The following TANC1 variants were observed in gnomAD, a reference collection of about 807,000 sequenced individuals.
TANC1 encodes tetratricopeptide repeat, ankyrin repeat and coiled-coil containing 1, also known as protein TANC1.
In TANC1, 77 loss-of-function variants were observed where a neutral mutation model predicts 149.7. The ratio of observed to expected loss-of-function variants is 0.51; its 90% confidence interval spans 0.43 to 0.62. TANC1 has a LOEUF of 0.62. Among genes scored for constraint, TANC1 ranks in the 20% least tolerant of loss-of-function variants. TANC1 has a pLI of 0.00. For missense variants in TANC1, 1,985 were observed against 2,321.8 expected (o/e 0.85, Z 2.98); for synonymous variants, 854 against 925.0 (o/e 0.92, Z 1.39).
chr2:158,981,731 G>A (rs926791788), intron 1 of TANC1, among the ~76,000 whole-genome samples: 1 of 151,288 alleles, frequency 6.6e-6, no homozygotes, highest in Non-Finnish European at 1.5e-5. Flanking sequence ...GGTGTTAAAC[G>A]TTTTTGGTGG....
chr2:158,987,261 C>T (rs960424831), intron 1 of TANC1, among the ~76,000 whole-genome samples: 3 of 147,378 alleles, frequency 2.0e-5, no homozygotes, highest in African/African-American at 7.5e-5. Context: ...TATGGTGGCT[C>T]ATGCCTGTGA....
At chr2:159,154,980 G>A (rs889634421) in intron 7 of TANC1, among the ~76,000 whole-genome samples, 3 of 152,124 alleles carry the variant, frequency 2.0e-5, no homozygotes, top group Non-Finnish European at 2.9e-5. Flanking sequence ...CTTTGAATAT[G>A]TCTTGCTTCC....
At chr2:159,131,350 G>A (rs1472807757) in intron 4 of TANC1, among the ~76,000 whole-genome samples, 2 of 152,074 alleles carry the variant, frequency 1.3e-5, no homozygotes, top group Admixed American at 1.3e-4. Flanking sequence ...GGAGGGGAAG[G>A]GATGTTCCAG....
intron 2 of TANC1, among the ~76,000 whole-genome samples, chr2:159,025,165 TC>T (rs2039167781): frequency 1.4e-5 from 2 of 144,950 alleles, no homozygotes; most frequent in Non-Finnish European, 3.0e-5. Context: ...TTTCTCTTTT[TC>T]TTTCTTTCTT....
intron 4 of TANC1, among the ~76,000 whole-genome samples, chr2:159,116,454 CAAA>C (rs779142844): frequency 4.2e-4 from 59 of 140,472 alleles, no homozygotes; most frequent in Admixed American, 3.5e-3. Context: ...ACAACAACAA[CAAA>C]AAAAAAAAAA....
chr2:159,227,591 T>C (rs1011190590), intron 24 of TANC1: 2 of 527,598 alleles, frequency 3.8e-6, no homozygotes, highest in Non-Finnish European at 6.6e-6. Context: ...AACCAGCTTC[T>C]TTCTCACTGT....
At chr2:158,988,110 G>C (rs1469600698) in intron 1 of TANC1, among the ~76,000 whole-genome samples, 1 of 151,844 alleles carries the variant, frequency 6.6e-6, no homozygotes, top group Non-Finnish European at 1.5e-5. Context: ...ATCACCTGAG[G>C]TCAGGAGTTC....
At chr2:159,052,422 T>C (rs2041544544) in intron 2 of TANC1, among the ~76,000 whole-genome samples, 1 of 152,202 alleles carries the variant, frequency 6.6e-6, no homozygotes, top group Non-Finnish European at 1.5e-5. Context: ...CTCCTGCTAA[T>C]GTGTGCCAAT....
chr2:159,187,139 C>T, intron 16 of TANC1, 115 bp downstream of exon 16: 1 of 1,243,570 alleles, frequency 8.0e-7, no homozygotes, highest in Non-Finnish European at 1.1e-6. Context: ...CGCAGAGGAG[C>T]TTCTAAAGAT....
At chr2:159,128,107 T>A (rs574287202) in intron 4 of TANC1, among the ~76,000 whole-genome samples, 1 of 152,366 alleles carries the variant, frequency 6.6e-6, no homozygotes, top group South Asian at 2.1e-4. Context: ...TTTTGTCTTC[T>A]GTTTTTTTCT....
chr2:159,215,189 C>T (rs1407674828), intron 19 of TANC1, among the ~76,000 whole-genome samples: 1 of 152,206 alleles, frequency 6.6e-6, no homozygotes, highest in African/African-American at 2.4e-5. Context: ...GGACTGCCTG[C>T]TGCCCACGCT....
intron 19 of TANC1, among the ~76,000 whole-genome samples, chr2:159,203,132 C>G (rs2058355310): frequency 6.6e-6 from 1 of 152,168 alleles, no homozygotes; most frequent in Non-Finnish European, 1.5e-5. Context: ...TTAACCCTCT[C>G]CACTCCCTTG....
chr2:159,028,575 C>G (rs913934595), intron 2 of TANC1, among the ~76,000 whole-genome samples: 13 of 152,244 alleles, frequency 8.5e-5, no homozygotes, highest in African/African-American at 2.6e-4. Flanking sequence ...GATCTAACTC[C>G]TAACAAAATT....
intron 19 of TANC1, among the ~76,000 whole-genome samples, chr2:159,216,537 T>C (rs1316323558): frequency 6.6e-6 from 1 of 152,158 alleles, no homozygotes; most frequent in Admixed American, 6.5e-5. Context: ...ATTCTTGCGA[T>C]GAGCAGAAGC....
At chr2:159,168,321 AC>A (rs1316960725) in intron 8 of TANC1, among the ~76,000 whole-genome samples, 3 of 119,930 alleles carry the variant, frequency 2.5e-5, no homozygotes, top group Non-Finnish European at 1.8e-5. Context: ...TTTTTTTGAG[AC>A]AGAGTTTTGC....
Position 159,097,732 on chromosome 2 carries a change from A to C in TANC1, c.157A>C (p.Arg53=). ...SSLPTAEDTY[R]VSLAKGVSMS... ...TCTTCCCACAGCAGAGGACACCTAT[A>C]GGGTGAGCTTGGCCAAAGGTGTCTC... Residue 53 remains arginine (R), a synonymous_variant, in exon 4 of 27, where the codon AGG becomes CGG. Coordinates refer to ENST00000263635, the MANE Select transcript of TANC1 (RefSeq NM_033394.3). 1 of 1,614,134 alleles carries C rather than the reference A, an allele frequency of 6.2e-7. No homozygotes were observed. Among genetic ancestry groups the C allele is most frequent in the Non-Finnish European group, 8.5e-7 (1 of 1,180,004 alleles).
intron 19 of TANC1, among the ~76,000 whole-genome samples, chr2:159,208,097 G>A (rs545573422): frequency 6.6e-6 from 1 of 152,244 alleles, no homozygotes; most frequent in East Asian, 1.9e-4. Context: ...GCATCATCAT[G>A]ACACCTGGTT....
intron 2 of TANC1, among the ~76,000 whole-genome samples, chr2:159,012,585 A>G (rs1281765007): frequency 6.6e-6 from 1 of 152,124 alleles, no homozygotes; most frequent in Non-Finnish European, 1.5e-5. Context: ...TCCTAATAGG[A>G]ATGGAAGATA....
At chr2:159,159,713 T>TGAGA (rs1429082453) in intron 7 of TANC1, among the ~76,000 whole-genome samples, 186 of 65,560 alleles carry the variant, frequency 2.8e-3, no homozygotes, top group Admixed American at 7.4e-3. Context: ...TGTGTGTGTG[T>TGAGA]GTGTGAGAGA....
Sources: gnomAD v4.1 joint callset for allele counts (sites outside exome capture counted in the v4.1 genomes callset) on GRCh38, gnomAD v4.1.1 for gene constraint, MANE v1.5 for transcripts, NCBI Gene and HGNC (gene_info 2026-07-23, HGNC 2026-07-21) for gene names.